ARHGEF9: variants seen among roughly 807,000 people sequenced by gnomAD.
ARHGEF9 encodes rho guanine nucleotide exchange factor 9.
A neutral mutation model predicts 41.3 loss-of-function variants in ARHGEF9; 2 were observed. The observed-to-expected ratio is 0.05, with a 90% CI of 0.02 to 0.15. The LOEUF (loss-of-function observed/expected upper bound fraction) is 0.15. Ranked by LOEUF, ARHGEF9 falls within the 10% of genes least tolerant of loss-of-function variation. The pLI, the probability that ARHGEF9 is intolerant of heterozygous loss-of-function variation, is 1.00. For missense variants in ARHGEF9, 225 were observed against 424.7 expected, an observed-to-expected ratio of 0.53 and a Z score of 4.13; for synonymous variants, 160 against 154.4, an observed-to-expected ratio of 1.04 and a Z score of -0.27.
Position 63,637,476 on chromosome X carries a change from A to G in ARHGEF9, c.*552T>C, listed in dbSNP as rs2047364550. 1 of 285,986 alleles carries G rather than the reference A, an allele frequency of 3.5e-6. No homozygotes were observed. Among genetic ancestry groups the G allele is most frequent in the African/African-American group, 2.8e-5 (1 of 35,990 alleles). The allele number at this position is 285,986 out of a possible 1,213,427, so 23.6% of individuals were successfully genotyped here. The stretch of plus-strand genomic sequence containing the variant: ...TAATGATTGGCTGAAGGAGAGGAGA[A>G]AGGAGCTCATTCCCTTCCTCAATGG... On this transcript the variant is annotated 3_prime_UTR_variant, in exon 10 of 10. Transcript: ENST00000671741.
intron 8 of ARHGEF9, among the ~76,000 whole-genome samples, chrX:63,648,935 A>C (rs2048328822): frequency 9.0e-6 from 1 of 111,673 alleles, no homozygotes; most frequent in African/African-American, 3.3e-5. Flanking sequence ...ATACAGGAGT[A>C]CCCAGATTCA....
intron 3 of ARHGEF9, among the ~76,000 whole-genome samples, chrX:63,704,345 G>T (rs1383222876): frequency 4.5e-5 from 5 of 112,353 alleles, no homozygotes; most frequent in African/African-American, 1.3e-4. Flanking sequence ...TGGAGCCAAA[G>T]ATTTTGCATT....
Position 63,714,884 on chromosome X carries a change from C to T in ARHGEF9, c.211-8435G>A, listed in dbSNP as rs782341558. 6.3e-5 allele frequency among the ~76,000 whole-genome samples: 7 copies of T among 111,585 alleles called. No homozygotes were observed. The East Asian group carries it at 2.0e-3, about 32-fold the overall frequency. ...TTTTGTAATTGCTTTGCAATTGTCC[C>T]AAATTTCTTATACCCCAAATGCCAC... is the stretch of plus-strand genomic sequence containing the variant. On this transcript the variant is annotated intron_variant, in intron 2 of 9. Coordinates refer to ENST00000671741, the MANE Select transcript of ARHGEF9 (RefSeq NM_001353921.2).
At chrX:63,729,873 TC>T (rs1399093307) in intron 1 of ARHGEF9, among the ~76,000 whole-genome samples, 1 of 112,087 alleles carries the variant, frequency 8.9e-6, no homozygotes, top group Non-Finnish European at 1.9e-5. Flanking sequence ...GGGTTAAGAG[TC>T]CTGCATTATG....
At chrX:63,680,097 A>C (rs1261940884) in intron 4 of ARHGEF9, among the ~76,000 whole-genome samples, 4 of 111,987 alleles carry the variant, frequency 3.6e-5, no homozygotes, top group African/African-American at 1.3e-4. Flanking sequence ...GCAGCCGAAA[A>C]AATTTTAAAT....
chrX:63,747,243 G>A (rs1556435185), intron 1 of ARHGEF9, among the ~76,000 whole-genome samples: 1 of 112,104 alleles, frequency 8.9e-6, no homozygotes, highest in African/African-American at 3.2e-5. Context: ...TAATTTGCCT[G>A]AGGTCACTAG....
At chrX:63,782,926 T>C (rs1260750828) in intron 1 of ARHGEF9, among the ~76,000 whole-genome samples, 4 of 112,789 alleles carry the variant, frequency 3.5e-5, no homozygotes, top group African/African-American at 9.6e-5. Context: ...GTTCCCTGCC[T>C]CTCAGGCAAG....
intron 2 of ARHGEF9, among the ~76,000 whole-genome samples, chrX:63,716,954 C>T (rs2053344034): frequency 8.9e-6 from 1 of 112,303 alleles, no homozygotes; most frequent in Non-Finnish European, 1.9e-5. Context: ...TAAATGTACG[C>T]TTAACAGTAA....
intron 1 of ARHGEF9, among the ~76,000 whole-genome samples, chrX:63,768,079 C>T (rs1259463737): frequency 8.9e-6 from 1 of 111,733 alleles, no homozygotes; most frequent in East Asian, 2.8e-4. Context: ...GTGCACCAGC[C>T]ACCCAAGTAT....
Position 63,635,458 on chromosome X carries a change from T to C in ARHGEF9, c.*2570A>G. On this transcript the variant is annotated 3_prime_UTR_variant, in exon 10 of 10. Coordinates refer to ENST00000671741, the MANE Select transcript of ARHGEF9 (RefSeq NM_001353921.2). Reference sequence around the variant, plus strand: ...CATTACAGAATTACTGGGGTTACCATTGCTGTCAGGACATAACAGGTTAGG... The same window carrying C: ...CATTACAGAATTACTGGGGTTACCACTGCTGTCAGGACATAACAGGTTAGG... 1 of 516,861 alleles carries C rather than the reference T, an allele frequency of 1.9e-6. No homozygotes were observed. The allele number at this position is 516,861 out of a possible 1,213,427, so 42.6% of individuals were successfully genotyped here.
chrX:63,778,591 C>T (rs2056331627), intron 1 of ARHGEF9, among the ~76,000 whole-genome samples: 1 of 112,465 alleles, frequency 8.9e-6, no homozygotes, highest in Admixed American at 9.4e-5. Flanking sequence ...AACTTGTATG[C>T]TCTGCTTCCC....
intron 1 of ARHGEF9, among the ~76,000 whole-genome samples, chrX:63,757,541 A>G (rs1212386757): frequency 9.0e-5 from 10 of 111,529 alleles, no homozygotes; most frequent in Admixed American, 2.9e-4. Context: ...GAAAATATCT[A>G]CAAGTTTTTT....
At chrX:63,710,764 A>C (rs1473786677) in intron 2 of ARHGEF9, among the ~76,000 whole-genome samples, 4 of 111,705 alleles carry the variant, frequency 3.6e-5, no homozygotes, top group Non-Finnish European at 7.5e-5. Flanking sequence ...TTCATCCTAC[A>C]ATCAAGAACA....
In ARHGEF9 at chrX:63,785,070, G is replaced by A. The variant is rs1377721264; in HGVS notation, c.30+46C>T. On this transcript the variant is annotated intron_variant, in intron 1 of 9. Transcript: ENST00000671741. The stretch of plus-strand genomic sequence containing the variant: ...TGGAGGAACTGGAGGTGGGGCTGGG[G>A]GACTGAGAGGCTCAAGCAAGGGAAG... 5.2e-6 allele frequency: 6 copies of A among 1,157,566 alleles called. No individual in the cohort carries two copies. The African/African-American group carries it at 7.2e-5, about 14-fold the overall frequency.
chrX:63,666,326 C>CCTCTCT (rs368308422), intron 6 of ARHGEF9, among the ~76,000 whole-genome samples: 1 of 95,205 alleles, frequency 1.1e-5, no homozygotes, highest in Non-Finnish European at 2.1e-5. Context: ...TCTGTGTCTG[C>CCTCTCT]CTCTCTCTCT....
intron 4 of ARHGEF9, among the ~76,000 whole-genome samples, chrX:63,685,229 T>G (rs2050909786): frequency 8.9e-6 from 1 of 111,737 alleles, no homozygotes; most frequent in South Asian, 3.7e-4. Flanking sequence ...CATCTTAAAT[T>G]TATACCTTAA....
chrX:63,663,976 T>A (rs1271355598), intron 7 of ARHGEF9, among the ~76,000 whole-genome samples: 4 of 112,250 alleles, frequency 3.6e-5, no homozygotes, highest in Admixed American at 9.4e-5. Flanking sequence ...GACTCTAGGC[T>A]GGCTGTGTCT....
chrX:63,693,394 G>A (rs1420082389), intron 4 of ARHGEF9, among the ~76,000 whole-genome samples: 3 of 110,434 alleles, frequency 2.7e-5, no homozygotes, highest in Non-Finnish European at 3.8e-5. Context: ...GATGGATCAC[G>A]AGGTCAGGAG....
intron 2 of ARHGEF9, among the ~76,000 whole-genome samples, chrX:63,717,595 T>C (rs1355825058): frequency 8.9e-6 from 1 of 112,179 alleles, no homozygotes; most frequent in African/African-American, 3.2e-5. Context: ...TCTGATGGGC[T>C]ATAGACAGAG....
Sources: gnomAD v4.1 joint callset for allele counts (sites outside exome capture counted in the v4.1 genomes callset) on GRCh38, gnomAD v4.1.1 for gene constraint, MANE v1.5 for transcripts, NCBI Gene and HGNC (gene_info 2026-07-23, HGNC 2026-07-21) for gene names.